The following ZDHHC20 variants were observed in gnomAD, a reference collection of about 807,000 sequenced individuals.
ZDHHC20 encodes the protein zDHHC palmitoyltransferase 20, also known as palmitoyltransferase ZDHHC20.
A neutral mutation model predicts 57.8 loss-of-function variants in ZDHHC20; 43 were observed. The ratio of observed to expected loss-of-function variants is 0.74; its 90% CI spans 0.58 to 0.96. The LOEUF (loss-of-function observed/expected upper bound fraction) is 0.96. ZDHHC20 is among the 40% of genes least tolerant of loss of function. The pLI is 0.00. For synonymous variants in ZDHHC20, 157 were observed against 153.0 expected (o/e 1.03, Z -0.19); for missense variants, 391 against 441.1 (o/e 0.89, Z 1.02).
intron 6 of ZDHHC20, among the ~76,000 whole-genome samples, chr13:21,400,917 C>T (rs1877529577): frequency 6.6e-6 from 1 of 151,974 alleles, no homozygotes; most frequent in South Asian, 2.1e-4. Flanking sequence ...CACCATGTTG[C>T]CCAGGCTGGT....
In ZDHHC20 at chr13:21,399,337, T is replaced by C. The variant is rs943241117; in HGVS notation, c.594+1036A>G. Among the ~76,000 whole-genome samples, 4 of 151,390 alleles carry C rather than the reference T, an allele frequency of 2.6e-5. No homozygotes were observed. The East Asian group carries it at 5.8e-4, about 22-fold the overall frequency. ...TCCAGCCTGGGTGACCAAGCAAGATTCCGTCTCAAATAAAAATAAAATCAA... is the reference window on the plus strand; with the variant it reads ...TCCAGCCTGGGTGACCAAGCAAGATCCCGTCTCAAATAAAAATAAAATCAA... On this transcript the variant is annotated intron_variant, in intron 7 of 12. Transcript: ENST00000400590.
rs749500612 is a variant in ZDHHC20, at chr13:21,381,494, A to C, written c.1000T>G (p.Leu334Val). 6.2e-7 allele frequency: 1 copy of C among 1,613,888 alleles called. No individual in the cohort carries two copies. The highest frequency in any genetic ancestry group is 8.5e-7 in the Non-Finnish European group (1 of 1,179,874). Residue 334 changes from leucine (L) to valine (V), a missense_variant, in exon 11 of 13, where the codon TTG becomes GTG. Coordinates refer to ENST00000400590, the MANE Select transcript of ZDHHC20 (RefSeq NM_001330059.2). ...AGCCACTGAGATTCACTGTCCAACA[A>C]GCGGTTTTTTGATTCACTAAGTGGT... Reference protein sequence around the residue: ...IKPLSESKNRLLDSESQWLEN... With the variant: ...IKPLSESKNRVLDSESQWLEN...
intron 8 of ZDHHC20, among the ~76,000 whole-genome samples, 155 bp downstream of exon 8, chr13:21,391,567 C>T (rs1015379843): frequency 5.4e-5 from 8 of 147,560 alleles, no homozygotes; most frequent in African/African-American, 1.9e-4. Flanking sequence ...CCGCCTCTGT[C>T]TCTGCAGTAG....
intron 1 of ZDHHC20, among the ~76,000 whole-genome samples, chr13:21,434,734 T>G (rs1009421572): frequency 6.6e-6 from 1 of 152,010 alleles, no homozygotes; most frequent in African/African-American, 2.4e-5. Context: ...TGAAATGTCC[T>G]ACAAATTCTA....
chr13:21,398,116 T>C (rs993645458), intron 7 of ZDHHC20, among the ~76,000 whole-genome samples: 2 of 152,106 alleles, frequency 1.3e-5, no homozygotes, highest in African/African-American at 4.8e-5. Context: ...GGCTATTCAC[T>C]CAGCAAATAT....
At chr13:21,456,358 C>A (rs1462542953) in intron 1 of ZDHHC20, among the ~76,000 whole-genome samples, 1 of 152,128 alleles carries the variant, frequency 6.6e-6, no homozygotes, top group African/African-American at 2.4e-5. Context: ...TGCAGTGAGC[C>A]AAGATCGCAT....
chr13:21,426,438 G>A (rs998213177), intron 1 of ZDHHC20, among the ~76,000 whole-genome samples: 5 of 152,020 alleles, frequency 3.3e-5, no homozygotes, highest in African/African-American at 9.7e-5. Context: ...GCATCTTCCT[G>A]CAGTCAGTGT....
intron 3 of ZDHHC20, among the ~76,000 whole-genome samples, chr13:21,416,203 CAAA>C (rs55796229): frequency 2.2e-4 from 16 of 71,752 alleles, no homozygotes; most frequent in Non-Finnish European, 3.5e-4. Context: ...GACTCCATCT[CAAA>C]AAAAAAAAAA....
intron 4 of ZDHHC20, among the ~76,000 whole-genome samples, chr13:21,408,455 G>A (rs1016617061): frequency 8.5e-5 from 13 of 152,062 alleles, no homozygotes; most frequent in African/African-American, 2.7e-4. Context: ...TGATTTTTGC[G>A]CATTGGTTTT....
chr13:21,413,578 AT>A (rs2137864480), intron 4 of ZDHHC20, 73 bp downstream of exon 4: 1 of 1,403,254 alleles, frequency 7.1e-7, no homozygotes, highest in Non-Finnish European at 9.5e-7. Flanking sequence ...TAGTCAAACC[AT>A]GCAAATATAT....
intron 7 of ZDHHC20, among the ~76,000 whole-genome samples, chr13:21,393,067 T>A (rs1247965116): frequency 1.3e-5 from 2 of 152,092 alleles, no homozygotes; most frequent in African/African-American, 4.8e-5. Context: ...GTTTTATAAA[T>A]CCTGTTGAAA....
At chr13:21,413,242 T>C (rs1048527574) in intron 4 of ZDHHC20, among the ~76,000 whole-genome samples, 1 of 152,102 alleles carries the variant, frequency 6.6e-6, no homozygotes, top group Non-Finnish European at 1.5e-5. Flanking sequence ...TCTGAACAAG[T>C]TTCTTCCTAT....
chr13:21,376,670 A>G lies in ZDHHC20; in HGVS notation c.*41-15T>C, dbSNP rs1872129680. ...TTTTCATACACCTACAAAAAAAGAA[A>G]CAAATTATTGGTTAAAACTTGATTT... On this transcript the variant is annotated splice_polypyrimidine_tract_variant and intron_variant, in intron 12 of 12. Coordinates refer to ENST00000400590, the MANE Select transcript of ZDHHC20 (RefSeq NM_001330059.2). The G allele has an allele frequency of 7.1e-7, 1 of 1,401,078 alleles. No homozygotes were observed. The highest frequency in any genetic ancestry group is 2.6e-5 in the Admixed American group (1 of 38,492). The allele number at this position is 1,401,078 out of a possible 1,614,324, so 86.8% of individuals were successfully genotyped here.
chr13:21,396,540 C>G (rs1423452766), intron 7 of ZDHHC20, among the ~76,000 whole-genome samples: 2 of 151,868 alleles, frequency 1.3e-5, no homozygotes, highest in African/African-American at 4.8e-5. Flanking sequence ...AAGACATAAA[C>G]AGAAAATGTG....
intron 1 of ZDHHC20, among the ~76,000 whole-genome samples, chr13:21,448,078 C>G (rs1423719643): frequency 1.3e-3 from 172 of 137,034 alleles, no homozygotes; most frequent in African/African-American, 4.4e-3. Context: ...AGGAGCCCCT[C>G]CGCCCGGCAG....
chr13:21,440,629 A>AGTGTGTGT (rs764333057), intron 1 of ZDHHC20, among the ~76,000 whole-genome samples: 3 of 115,486 alleles, frequency 2.6e-5, no homozygotes, highest in Admixed American at 1.6e-4. Context: ...ACAAACAAAA[A>AGTGTGTGT]GTGTGTGTGT....
At position 21,401,638 on chromosome 13, in the gene ZDHHC20, T is replaced by C; in HGVS notation, c.473+15A>G. On this transcript the variant is annotated intron_variant, in intron 6 of 12. Transcript: ENST00000400590. ...CTCACCACCAATGCAATTTCTTCTG[T>C]TTTTTTATACATACCAAGGACAGTG... The C allele has an allele frequency of 6.5e-7, 1 of 1,534,268 alleles. No individual in the cohort carries two copies. Among genetic ancestry groups the C allele is most frequent in the Non-Finnish European group, 8.8e-7 (1 of 1,142,590 alleles).
In ZDHHC20 at chr13:21,376,566, A is replaced by G. The variant is rs1872108658; in HGVS notation, c.*130T>C. 1.6e-5 allele frequency: 18 copies of G among 1,101,338 alleles called. No individual in the cohort carries two copies. Among genetic ancestry groups the G allele is most frequent in the Non-Finnish European group, 2.0e-5 (16 of 800,200 alleles). 68.2% of individuals were successfully genotyped at this position (1,101,338 alleles called of 1,614,324 possible). A position where few individuals can be genotyped will look rare whatever the true frequency, so the allele number is the denominator to read the frequency against. On this transcript the variant is annotated 3_prime_UTR_variant, in exon 13 of 13. Coordinates refer to ENST00000400590, the MANE Select transcript of ZDHHC20 (RefSeq NM_001330059.2). ...AAAGGCTTTCCGTTTTAAAAAATAT[A>G]TCTTCTGTTATACTTCAGTTATTTC...
At chr13:21,395,884 C>T (rs974469697) in intron 7 of ZDHHC20, among the ~76,000 whole-genome samples, 1 of 152,128 alleles carries the variant, frequency 6.6e-6, no homozygotes, top group Non-Finnish European at 1.5e-5. Flanking sequence ...CCCAGGCTAG[C>T]CAGTTCTTAA....
Sources: allele counts gnomAD v4.1 joint callset (sites outside exome capture counted in the v4.1 genomes callset), GRCh38; gene constraint gnomAD v4.1.1; transcripts MANE v1.5; gene names NCBI Gene and HGNC (gene_info 2026-07-23, HGNC 2026-07-21).